Variants in TENM2 observed in about 807,000 individuals in gnomAD.
TENM2 encodes teneurin-2.
TENM2 carries 52 observed loss-of-function variants against 245.2 expected under a neutral mutation model. The ratio of observed to expected loss-of-function variants is 0.21; its 90% confidence interval spans 0.17 to 0.27. TENM2 has a LOEUF of 0.27. Ranked by LOEUF, TENM2 falls within the 10% of genes least tolerant of loss-of-function variation. TENM2 has a pLI of 1.00. For missense variants in TENM2, 3,046 were observed against 3,666.8 expected (o/e 0.83, Z 4.37); for synonymous variants, 1,363 against 1,438.9 (o/e 0.95, Z 1.19).
chr5:167,866,604 G>A lies in TENM2; in HGVS notation c.503-9382G>A, dbSNP rs531137514. Among the ~76,000 whole-genome samples, 8 of 152,192 alleles carry A rather than the reference G, an allele frequency of 5.3e-5. No individual in the cohort carries two copies. The South Asian group carries it at 8.3e-4, about 16-fold the overall frequency. Reference sequence around the variant, plus strand: ...TCATATTCAAAAGGACAGTTGTTTCGGCGTGTTTAGAGCATAGGGAAGGAG... The same window carrying A: ...TCATATTCAAAAGGACAGTTGTTTCAGCGTGTTTAGAGCATAGGGAAGGAG... On this transcript the variant is annotated intron_variant, in intron 2 of 28. Coordinates refer to ENST00000518659, the Ensembl canonical transcript of TENM2.
At position 167,559,275 on chromosome 5, in the gene TENM2, C is replaced by A. The variant is rs551643656; in HGVS notation, c.502+183802C>A. ...CAAATCATCCCTCCGTTGTGTCCCC[C>A]TGCAATGTGGATGGAGAATTAGCTG... On this transcript the variant is annotated intron_variant, in intron 2 of 28. Transcript: ENST00000518659. 3.3e-5 allele frequency among the ~76,000 whole-genome samples: 5 copies of A among 152,282 alleles called. No homozygotes were observed. The East Asian group carries it at 9.7e-4, about 29-fold the overall frequency.
At chr5:168,237,597 C>T (rs779341456) in intron 25 of TENM2, among the ~76,000 whole-genome samples, 1 of 152,096 alleles carries the variant, frequency 6.6e-6, no homozygotes, top group Non-Finnish European at 1.5e-5. Context: ...TCAAAACCGC[C>T]ACTCAAACTC....
intron 2 of TENM2, among the ~76,000 whole-genome samples, chr5:167,471,967 G>A (rs745585121): frequency 1.2e-4 from 18 of 152,134 alleles, no homozygotes; most frequent in Non-Finnish European, 2.6e-4. Flanking sequence ...GGTATGCAAC[G>A]CCATTGCCAG....
intron 3 of TENM2, among the ~76,000 whole-genome samples, chr5:167,913,516 T>C (rs1776704976): frequency 6.6e-6 from 1 of 152,224 alleles, no homozygotes; most frequent in Non-Finnish European, 1.5e-5. Context: ...ATCTCTTTAC[T>C]GCCAATTTCT....
chr5:167,672,659 C>A (rs1487931226), intron 2 of TENM2, among the ~76,000 whole-genome samples: 2 of 152,018 alleles, frequency 1.3e-5, no homozygotes, highest in African/African-American at 2.4e-5. Context: ...TAGATCTGTG[C>A]GATCTGAAAA....
the TENM2 span, among the ~76,000 whole-genome samples, chr5:167,085,458 G>T: frequency 1.3e-5 from 2 of 152,072 alleles, no homozygotes; most frequent in Non-Finnish European, 2.9e-5. Flanking sequence ...GATTACACTG[G>T]CCTTTCCTCC....
At chr5:167,730,056 C>T in intron 2 of TENM2, among the ~76,000 whole-genome samples, 1 of 152,058 alleles carries the variant, frequency 6.6e-6, no homozygotes, top group South Asian at 2.1e-4. Flanking sequence ...TTTTTAGCTT[C>T]TCTACCATTG....
the TENM2 span, among the ~76,000 whole-genome samples, chr5:167,148,754 C>A: frequency 6.6e-6 from 1 of 152,110 alleles, no homozygotes; most frequent in Non-Finnish European, 1.5e-5. Flanking sequence ...AAAAGGAGTT[C>A]AAAGTTTTTC....
intron 20 of TENM2, among the ~76,000 whole-genome samples, chr5:168,213,195 G>A (rs1345210176): frequency 6.6e-6 from 1 of 152,202 alleles, no homozygotes; most frequent in African/African-American, 2.4e-5. Context: ...AAGAGGAAAG[G>A]AAAGGAATGA....
At chr5:168,126,039 G>A (rs1428334552) in intron 11 of TENM2, among the ~76,000 whole-genome samples, 6 of 152,188 alleles carry the variant, frequency 3.9e-5, no homozygotes, top group South Asian at 2.1e-4. Context: ...GCTTGTCCTC[G>A]CGTGAGAGGT....
chr5:168,212,980 A>C (rs572805329), intron 20 of TENM2, among the ~76,000 whole-genome samples: 1 of 152,338 alleles, frequency 6.6e-6, no homozygotes, highest in South Asian at 2.1e-4. Flanking sequence ...GCTCCCTAGA[A>C]AGTCCAAAAT....
At chr5:167,372,526 AG>A in intron 1 of TENM2, among the ~76,000 whole-genome samples, 1 of 152,162 alleles carries the variant, frequency 6.6e-6, no homozygotes, top group Non-Finnish European at 1.5e-5. Context: ...TTCTTTCCTG[AG>A]GAGGTCTTTG....
chr5:168,078,351 T>A (rs906113001), intron 7 of TENM2, among the ~76,000 whole-genome samples: 1 of 152,226 alleles, frequency 6.6e-6, no homozygotes, highest in African/African-American at 2.4e-5. Flanking sequence ...ATGGGTAGAC[T>A]GTAAAAATTT....
At chr5:167,186,549 C>T in the TENM2 span, among the ~76,000 whole-genome samples, 2 of 152,120 alleles carry the variant, frequency 1.3e-5, no homozygotes, top group African/African-American at 4.8e-5. Flanking sequence ...AGGAGTTTAG[C>T]GAGCTTCCCT....
At chr5:167,058,561 C>A in the TENM2 span, among the ~76,000 whole-genome samples, 3 of 152,078 alleles carry the variant, frequency 2.0e-5, no homozygotes, top group Admixed American at 6.6e-5. Context: ...GAATTTGAGA[C>A]CTCCTTGGTT....
At chr5:168,042,765 G>A (rs1174684421) in intron 5 of TENM2, among the ~76,000 whole-genome samples, 2 of 152,146 alleles carry the variant, frequency 1.3e-5, no homozygotes, top group African/African-American at 4.8e-5. Context: ...GGATCTGTGT[G>A]TGGTCCCACC....
At chr5:167,249,973 G>A in the TENM2 span, among the ~76,000 whole-genome samples, 2 of 152,128 alleles carry the variant, frequency 1.3e-5, no homozygotes, top group Non-Finnish European at 2.9e-5. Context: ...CGATTAAATG[G>A]TAGTGGGGAG....
intron 2 of TENM2, among the ~76,000 whole-genome samples, chr5:167,588,760 A>G (rs1005693378): frequency 6.6e-6 from 1 of 152,218 alleles, no homozygotes; most frequent in African/African-American, 2.4e-5. Flanking sequence ...ATGTAGAATT[A>G]CTGGTTTGCA....
At chr5:167,164,382 G>A in the TENM2 span, among the ~76,000 whole-genome samples, 1 of 152,160 alleles carries the variant, frequency 6.6e-6, no homozygotes, top group Admixed American at 6.5e-5. Flanking sequence ...AAGACATGCA[G>A]CCATGTATGG....
Sources: gnomAD v4.1 joint callset for allele counts (sites outside exome capture counted in the v4.1 genomes callset) on GRCh38, gnomAD v4.1.1 for gene constraint, MANE v1.5 for transcripts, NCBI Gene and HGNC (gene_info 2026-07-23, HGNC 2026-07-21) for gene names.